The following DISC1 variants were observed in gnomAD, a reference collection of about 807,000 sequenced individuals.
DISC1 encodes the protein DISC1 scaffold protein, also known as disrupted in schizophrenia 1 protein.
In DISC1, 57 loss-of-function variants were observed where a neutral mutation model predicts 84.5. The observed-to-expected ratio is 0.67, with a 90% CI of 0.55 to 0.84. The LOEUF (loss-of-function observed/expected upper bound fraction) is 0.84. DISC1 is among the 40% of genes least tolerant of loss of function. The pLI is 0.00. For synonymous variants in DISC1, 411 were observed against 415.2 expected (o/e 0.99, Z 0.12); for missense variants, 1,000 against 1,057.8 (o/e 0.95, Z 0.76).
At chr1:231,713,249 T>A (rs1235761227) in intron 3 of DISC1, among the ~76,000 whole-genome samples, 1 of 152,048 alleles carries the variant, frequency 6.6e-6, no homozygotes, top group African/African-American at 2.4e-5. Flanking sequence ...TCACAAGGCA[T>A]ACAAAGGAAA....
chr1:231,701,804 C>A, intron 2 of DISC1, 151 bp from the exon 3 acceptor site: 1 of 638,352 alleles, frequency 1.6e-6, no homozygotes, highest in Non-Finnish European at 2.5e-6. Flanking sequence ...ATGCATCTGG[C>A]ATTGAAAAAA....
intron 4 of DISC1, among the ~76,000 whole-genome samples, chr1:231,759,551 A>AAC (rs2075457158): frequency 1.4e-5 from 2 of 139,656 alleles, no homozygotes; most frequent in African/African-American, 2.8e-5. Context: ...AAAAAAAAAA[A>AAC]CAAAACTAGC....
intron 9 of DISC1, among the ~76,000 whole-genome samples, chr1:231,906,682 G>A (rs986646679): frequency 2.0e-5 from 3 of 152,100 alleles, no homozygotes; most frequent in East Asian, 1.9e-4. Flanking sequence ...CTCTAAAGCC[G>A]TTCAGGTTAG....
intron 3 of DISC1, among the ~76,000 whole-genome samples, chr1:231,735,700 A>G (rs2072389088): frequency 6.6e-6 from 1 of 152,234 alleles, no homozygotes; most frequent in African/African-American, 2.4e-5. Flanking sequence ...CATTGTGAGG[A>G]TAAAATGATT....
intron 1 of DISC1, among the ~76,000 whole-genome samples, chr1:231,677,612 T>C (rs1558307761): frequency 6.6e-6 from 1 of 152,252 alleles, no homozygotes; most frequent in Non-Finnish European, 1.5e-5. Flanking sequence ...ATTTTACAGA[T>C]GAGCAAACTG....
intron 9 of DISC1, among the ~76,000 whole-genome samples, chr1:231,917,083 A>G (rs2089688816): frequency 1.3e-5 from 2 of 152,214 alleles, no homozygotes; most frequent in African/African-American, 4.8e-5. Context: ...TTTGTAAGGA[A>G]TTATCATAAT....
intron 10 of DISC1, among the ~76,000 whole-genome samples, chr1:231,962,291 A>G (rs1660494824): frequency 6.6e-6 from 1 of 152,068 alleles, no homozygotes; most frequent in African/African-American, 2.4e-5. Flanking sequence ...CCTTTGTTAG[A>G]TGCATAGTTT....
chr1:231,818,443 T>G lies in DISC1; in HGVS notation c.1907T>G (p.Val636Gly), dbSNP rs1423735987. The G allele has an allele frequency of 3.1e-6, 5 of 1,614,148 alleles. No individual in the cohort carries two copies. In the South Asian group the frequency reaches 5.5e-5, roughly 18 times the overall value. The change falls in exon 9 of 13, where the codon GTC (valine) becomes GGC (glycine). Residue 636 changes from valine (V) to glycine (G), a missense_variant. Coordinates refer to ENST00000439617, the MANE Select transcript of DISC1 (RefSeq NM_018662.3). ...CTGTTGGTGTTGAGTTCCAGGAATG[T>G]CAAAAAGCTGGGAAGTGTTAAAGAA... ...SKLLVLSSRNVKKLGSVKEDY... is the reference protein window; with the variant it reads ...SKLLVLSSRNGKKLGSVKEDY...
intron 2 of DISC1, among the ~76,000 whole-genome samples, chr1:231,699,450 C>A (rs1243449119): frequency 6.6e-6 from 1 of 152,006 alleles, no homozygotes; most frequent in African/African-American, 2.4e-5. Context: ...AAACAAAAAA[C>A]AAAACAAACC....
chr1:231,858,343 C>G (rs2084406219), intron 9 of DISC1, among the ~76,000 whole-genome samples: 1 of 152,200 alleles, frequency 6.6e-6, no homozygotes, highest in Non-Finnish European at 1.5e-5. Flanking sequence ...CCAGGTAATT[C>G]CAATGGTTAG....
At chr1:231,856,177 T>C (rs2084257383) in intron 9 of DISC1, among the ~76,000 whole-genome samples, 1 of 152,208 alleles carries the variant, frequency 6.6e-6, no homozygotes, top group African/African-American at 2.4e-5. Context: ...GAGCTCTCGG[T>C]TGGATTGCAG....
intron 4 of DISC1, among the ~76,000 whole-genome samples, chr1:231,756,276 C>T (rs1389480570): frequency 6.6e-6 from 1 of 152,212 alleles, no homozygotes; most frequent in Non-Finnish European, 1.5e-5. Context: ...TGAATGACAG[C>T]ATACCTTGAA....
At chr1:231,655,064 T>C (rs777983028) in intron 1 of DISC1, among the ~76,000 whole-genome samples, 1 of 152,234 alleles carries the variant, frequency 6.6e-6, no homozygotes, top group East Asian at 1.9e-4. Flanking sequence ...ATCTGGACTC[T>C]ATTCCCTTTC....
chr1:231,789,660 C>T (rs553547542), intron 6 of DISC1, among the ~76,000 whole-genome samples: 1 of 152,248 alleles, frequency 6.6e-6, no homozygotes, highest in African/African-American at 2.4e-5. Flanking sequence ...ACCAAAATTG[C>T]CTGGCTGTCT....
chr1:231,800,357 T>C, intron 8 of DISC1, 147 bp downstream of exon 8: 2 of 724,668 alleles, frequency 2.8e-6, no homozygotes, highest in Non-Finnish European at 4.9e-6. Context: ...TTCACTAATA[T>C]GCACATAATA....
At chr1:231,818,800 C>T (rs1370421778) in intron 9 of DISC1, 2 of 1,244,292 alleles carry the variant, frequency 1.6e-6, no homozygotes, top group Non-Finnish European at 2.0e-6. Flanking sequence ...GCAGTCTCTC[C>T]CTTGGCAAGG....
chr1:231,768,853 A>G (rs1389484607), intron 5 of DISC1, among the ~76,000 whole-genome samples: 1 of 152,210 alleles, frequency 6.6e-6, no homozygotes, highest in Non-Finnish European at 1.5e-5. Flanking sequence ...CTACTCATTG[A>G]GAAGTGAGAT....
chr1:232,034,259 C>G (rs1670319264), intron 12 of DISC1, among the ~76,000 whole-genome samples: 1 of 152,062 alleles, frequency 6.6e-6, no homozygotes, highest in Admixed American at 6.6e-5. Context: ...AGAAATAAAC[C>G]TTAAATCTCA....
At chr1:231,973,916 G>A (rs940609675) in intron 10 of DISC1, among the ~76,000 whole-genome samples, 1 of 152,166 alleles carries the variant, frequency 6.6e-6, no homozygotes, top group African/African-American at 2.4e-5. Context: ...GTTATGATAC[G>A]GAGTACCCTC....
Sources: gnomAD v4.1 joint callset for allele counts (sites outside exome capture counted in the v4.1 genomes callset) on GRCh38, gnomAD v4.1.1 for gene constraint, MANE v1.5 for transcripts, NCBI Gene and HGNC (gene_info 2026-07-23, HGNC 2026-07-21) for gene names.